The following PEBP4 variants were observed in gnomAD, a reference collection of about 807,000 sequenced individuals.
PEBP4 encodes phosphatidylethanolamine binding protein 4.
Under a neutral mutation model 23.9 loss-of-function variants are expected in PEBP4, and 22 were observed. The ratio of observed to expected loss-of-function variants is 0.92; its 90% CI spans 0.66 to 1.31. The LOEUF (loss-of-function observed/expected upper bound fraction) is 1.31. Ranked by LOEUF, PEBP4 falls within the 40% of genes most tolerant of loss-of-function variation. PEBP4 has a pLI of 0.00. For missense variants in PEBP4, 324 were observed against 281.7 expected (o/e 1.15, Z -1.07); for synonymous variants, 112 against 99.3 (o/e 1.13, Z -0.76).
Position 22,716,464 on chromosome 8 carries a change from G to C in PEBP4, c.518-2928C>G, listed in dbSNP as rs28627327. On this transcript the variant is annotated intron_variant, in intron 6 of 6. Transcript: ENST00000256404. ...TGCCTGGCCTCCTATTAGGCTCTAG[G>C]GGGGAAAGATGTCCCCTGTCTTCAG... Among the ~76,000 whole-genome samples the C allele has an allele frequency of 9.2e-5, 14 of 152,302 alleles. No homozygotes were observed. The East Asian group carries it at 9.6e-4, about 10-fold the overall frequency.
chr8:22,843,617 C>A (rs915616494), intron 3 of PEBP4, among the ~76,000 whole-genome samples: 2 of 152,186 alleles, frequency 1.3e-5, no homozygotes, highest in African/African-American at 4.8e-5. Flanking sequence ...GAAATTCCAA[C>A]ATCATCTAGA....
chr8:22,807,549 T>G (rs866972486), intron 4 of PEBP4, among the ~76,000 whole-genome samples: 2 of 152,200 alleles, frequency 1.3e-5, no homozygotes, highest in Admixed American at 1.3e-4. Context: ...TCTAGAGACA[T>G]CTATAACAAT....
chr8:22,873,264 G>A (rs1321235609), intron 3 of PEBP4, among the ~76,000 whole-genome samples: 3 of 152,104 alleles, frequency 2.0e-5, no homozygotes, highest in East Asian at 1.9e-4. Flanking sequence ...GAAAGGATGC[G>A]ATGAAAAGAT....
intron 4 of PEBP4, among the ~76,000 whole-genome samples, chr8:22,740,521 GCAC>G (rs1424486652): frequency 6.6e-6 from 1 of 152,178 alleles, no homozygotes; most frequent in Admixed American, 6.5e-5. Context: ...AAGCCCCTCA[GCAC>G]CACCACAGCA....
chr8:22,817,737 T>C lies in PEBP4; in HGVS notation c.259-2A>G. On this transcript the variant is annotated splice_acceptor_variant, in intron 3 of 6. Transcript: ENST00000256404. LOFTEE classifies it high-confidence loss of function. The stretch of plus-strand genomic sequence containing the variant: ...CATCACCAGGATATAGGTTGCGCCC[T>C]GTAACACATGTACCGAAAAGTAATG... 2 of 1,613,338 alleles carry C rather than the reference T, an allele frequency of 1.2e-6. No individual in the cohort carries two copies. Among genetic ancestry groups the C allele is most frequent in the Non-Finnish European group, 1.7e-6 (2 of 1,179,340 alleles).
chr8:22,796,984 G>A (rs574879567), intron 4 of PEBP4, among the ~76,000 whole-genome samples: 4 of 151,294 alleles, frequency 2.6e-5, no homozygotes, highest in South Asian at 2.1e-4. Flanking sequence ...GGCTGGGCAC[G>A]GTGGTTCATG....
At chr8:22,719,700 C>A (rs1236066076) in intron 6 of PEBP4, among the ~76,000 whole-genome samples, 1 of 152,174 alleles carries the variant, frequency 6.6e-6, no homozygotes, top group Non-Finnish European at 1.5e-5. Flanking sequence ...TCATGCCACT[C>A]ACTGTTTCAG....
At chr8:22,846,472 C>T (rs73215076) in intron 3 of PEBP4, among the ~76,000 whole-genome samples, 18,797 of 152,206 alleles carry the variant, frequency 0.12, 1,382 homozygotes, top group Middle Eastern at 0.22. Flanking sequence ...GAAATCGCAT[C>T]AGGTTCCCTC....
intron 4 of PEBP4, among the ~76,000 whole-genome samples, chr8:22,814,289 C>T (rs2128761199): frequency 6.6e-6 from 1 of 152,320 alleles, no homozygotes; most frequent in South Asian, 2.1e-4. Flanking sequence ...CTCTTAACCA[C>T]TGTGCTATAC....
intron 4 of PEBP4, among the ~76,000 whole-genome samples, chr8:22,795,912 G>A (rs1381871061): frequency 6.6e-6 from 1 of 152,194 alleles, no homozygotes; most frequent in Non-Finnish European, 1.5e-5. Context: ...GTGCTTCTAA[G>A]TGTCAAAGAC....
chr8:22,867,255 C>T (rs1326658870), intron 3 of PEBP4, among the ~76,000 whole-genome samples: 3 of 152,184 alleles, frequency 2.0e-5, no homozygotes, highest in African/African-American at 7.2e-5. Flanking sequence ...GGACATTAGA[C>T]TCTGTCAACA....
intron 3 of PEBP4, among the ~76,000 whole-genome samples, chr8:22,835,440 T>A (rs1807181812): frequency 6.6e-6 from 1 of 152,168 alleles, no homozygotes; most frequent in South Asian, 2.1e-4. Flanking sequence ...CCTAGCATCT[T>A]TGGTGGGGCT....
intron 3 of PEBP4, among the ~76,000 whole-genome samples, chr8:22,889,447 C>G (rs1332763639): frequency 1.3e-5 from 2 of 152,166 alleles, no homozygotes; most frequent in Admixed American, 6.5e-5. Context: ...CCTTTCTGCT[C>G]TAAGGCTCCG....
chr8:22,744,533 C>A (rs4872541), intron 4 of PEBP4: 82,618 of 152,174 alleles, frequency 0.54, 23,279 homozygotes, highest in East Asian at 0.72. Context: ...GAGGAGCCCA[C>A]GCATGCAGGT....
chr8:22,931,978 T>C (rs1809464049), upstream of PEBP4, among the ~76,000 whole-genome samples: 1 of 152,214 alleles, frequency 6.6e-6, no homozygotes, highest in Non-Finnish European at 1.5e-5. Flanking sequence ...TTGCAGCTGT[T>C]GGATGCAACT....
intron 3 of PEBP4, among the ~76,000 whole-genome samples, chr8:22,833,035 C>T (rs964556161): frequency 6.6e-6 from 1 of 152,218 alleles, no homozygotes; most frequent in Non-Finnish European, 1.5e-5. Context: ...CCCTGCTTAC[C>T]CTGTCTCACC....
At chr8:22,744,891 T>A in intron 4 of PEBP4, 1 of 152,182 alleles carries the variant, frequency 6.6e-6, no homozygotes, top group Non-Finnish European at 1.5e-5. Context: ...AGGGTAGCGT[T>A]TGCAGATGGG....
At chr8:22,714,099 C>A (rs1301348959) in intron 6 of PEBP4, among the ~76,000 whole-genome samples, 1 of 152,254 alleles carries the variant, frequency 6.6e-6, no homozygotes, top group African/African-American at 2.4e-5. Context: ...GTGCCTTCCC[C>A]ATGGCAGAGG....
rs1302724751 is a variant in PEBP4 at position 22,865,370 on chromosome 8, GC to G, written c.259-47636del. ...TGCCCACCCACGGGCGGTGACGGTGGCGGTGGCGGTGGCGGCGGCGGGACCC... is the reference window on the plus strand; with the variant it reads ...TGCCCACCCACGGGCGGTGACGGTGGGGTGGCGGTGGCGGCGGCGGGACCC... On this transcript the variant is annotated intron_variant, in intron 3 of 6. Transcript: ENST00000256404. This position sits in a 1 kb window ranked among gnomAD's most constrained non-coding sequence, Gnocchi z 6.9. Among the ~76,000 whole-genome samples, 3 of 6,764 alleles carry G rather than the reference GC, an allele frequency of 4.4e-4. No homozygotes were observed. Among genetic ancestry groups the G allele is most frequent in the Non-Finnish European group, 1.2e-3 (3 of 2,594 alleles). 4.4% of individuals were successfully genotyped at this position (6,764 alleles called of 152,430 possible).
Sources: gnomAD v4.1 joint callset for allele counts (sites outside exome capture counted in the v4.1 genomes callset) on GRCh38, gnomAD v4.1.1 for gene constraint, Gnocchi (gnomAD v3.1) non-coding constraint, MANE v1.5 for transcripts, NCBI Gene and HGNC (gene_info 2026-07-23, HGNC 2026-07-21) for gene names.